Variants in ADARB2 observed in about 807,000 individuals in gnomAD.
ADARB2 encodes the protein adenosine deaminase RNA specific B2 (inactive).
ADARB2 carries 25 observed loss-of-function variants against 62.2 expected under a neutral mutation model. That is an observed-to-expected ratio of 0.40 (90% CI 0.29 to 0.56). The LOEUF (loss-of-function observed/expected upper bound fraction) is 0.56. Ranked by LOEUF, ADARB2 falls within the 20% of genes least tolerant of loss-of-function variation. The pLI, the probability that ADARB2 is intolerant of heterozygous loss-of-function variation, is 0.43. For missense variants in ADARB2, 1,071 were observed against 1,077.4 expected (o/e 0.99, Z 0.08); for synonymous variants, 572 against 500.8 (o/e 1.14, Z -1.90).
intron 1 of ADARB2, among the ~76,000 whole-genome samples, chr10:1,595,368 G>GA (rs1833319188): frequency 6.6e-6 from 1 of 152,222 alleles, no homozygotes; most frequent in South Asian, 2.1e-4. Context: ...TGAGCACCCG[G>GA]CAGTGGCATC....
At position 1,199,998 on chromosome 10, in the gene ADARB2, G is replaced by A. The variant is rs773372364; in HGVS notation, c.1832C>T (p.Ala611Val). Residue 611 changes from alanine (A) to valine (V), a missense_variant, in exon 8 of 10, where the codon GCC becomes GTC. By Grantham distance (64) the Ala-to-Val change is moderately conservative (BLOSUM62 0). Transcript: ENST00000381312. Reference protein sequence around the residue: ...HRMEGVGQLPASYRHNRPLLS... With the variant: ...HRMEGVGQLPVSYRHNRPLLS... ...GAGAGGCCGGTTGTGCCGGTAGGAG[G>A]CGGGCAGCTGGCCGACACCCTCCAT... 6.5e-5 allele frequency: 103 copies of A among 1,574,920 alleles called. No homozygotes were observed. Among genetic ancestry groups the A allele is most frequent in the Middle Eastern group, 6.3e-4 (3 of 4,744 alleles).
chr10:1,696,203 T>G (rs1447968862), intron 1 of ADARB2, among the ~76,000 whole-genome samples: 1 of 152,074 alleles, frequency 6.6e-6, no homozygotes. Flanking sequence ...TGTGTCACGT[T>G]TATATGCCTG....
At chr10:1,246,681 T>C (rs1238260142) in intron 4 of ADARB2, among the ~76,000 whole-genome samples, 1 of 113,636 alleles carries the variant, frequency 8.8e-6, no homozygotes, top group East Asian at 2.7e-4. Flanking sequence ...GGCTCTGTTC[T>C]GTTCCATTGA....
At chr10:1,373,293 A>C (rs868333132) in intron 2 of ADARB2, among the ~76,000 whole-genome samples, 1 of 133,746 alleles carries the variant, frequency 7.5e-6, no homozygotes, top group African/African-American at 2.5e-5. Flanking sequence ...CTCTGTCTCT[A>C]CCCCTGTTTC....
intron 1 of ADARB2, among the ~76,000 whole-genome samples, chr10:1,538,463 TAGACG>T (rs1221930470): frequency 6.6e-6 from 1 of 152,096 alleles, no homozygotes; most frequent in Non-Finnish European, 1.5e-5. Flanking sequence ...AAGCATCTGG[TAGACG>T]AGAGAGAAGT....
intron 1 of ADARB2, among the ~76,000 whole-genome samples, chr10:1,586,030 T>C (rs903119879): frequency 6.6e-6 from 1 of 152,018 alleles, no homozygotes; most frequent in African/African-American, 2.4e-5. Context: ...CGAGACTCCA[T>C]CTCAAACAAA....
intron 1 of ADARB2, among the ~76,000 whole-genome samples, chr10:1,384,947 C>T (rs117094627): frequency 1.3e-5 from 2 of 152,188 alleles, no homozygotes; most frequent in Non-Finnish European, 2.9e-5. Flanking sequence ...TCTGATCAGG[C>T]GGAGTCATAG....
At chr10:1,602,205 C>G (rs1165740372) in intron 1 of ADARB2, among the ~76,000 whole-genome samples, 3 of 152,192 alleles carry the variant, frequency 2.0e-5, no homozygotes, top group African/African-American at 7.2e-5. Context: ...TGTGGACTTT[C>G]AAACTGGCAC....
chr10:1,187,920 C>A, intron 8 of ADARB2: 1 of 348,052 alleles, frequency 2.9e-6, no homozygotes, highest in Non-Finnish European at 6.3e-6. Flanking sequence ...CTCAGCTCAC[C>A]TGTGATGACG....
intron 1 of ADARB2, among the ~76,000 whole-genome samples, chr10:1,455,342 T>C (rs1027276899): frequency 1.3e-5 from 2 of 152,176 alleles, no homozygotes; most frequent in Non-Finnish European, 2.9e-5. Flanking sequence ...ACAATTATGA[T>C]GAGCAAAATA....
chr10:1,579,045 C>T (rs1188519459), intron 1 of ADARB2, among the ~76,000 whole-genome samples: 9 of 152,152 alleles, frequency 5.9e-5, no homozygotes, highest in African/African-American at 1.9e-4. Context: ...GATCAGGATA[C>T]CACGAGGTGG....
At chr10:1,266,524 G>A (rs946038236) in intron 4 of ADARB2, among the ~76,000 whole-genome samples, 19 of 151,164 alleles carry the variant, frequency 1.3e-4, no homozygotes, top group African/African-American at 4.6e-4. Flanking sequence ...GGGGGGGGCC[G>A]TGCCCACAAA....
At chr10:1,231,613 C>T (rs1198152155) in intron 6 of ADARB2, among the ~76,000 whole-genome samples, 2 of 152,154 alleles carry the variant, frequency 1.3e-5, no homozygotes, top group Admixed American at 1.3e-4. Context: ...GCAGGAAGTT[C>T]CTTTAAAAGT....
chr10:1,573,840 G>C (rs1208610562), intron 1 of ADARB2, among the ~76,000 whole-genome samples: 1 of 152,194 alleles, frequency 6.6e-6, no homozygotes, highest in South Asian at 2.1e-4. Flanking sequence ...CGCCCAGTGA[G>C]CCCGCTGCAG....
rs1564258048 is a variant in ADARB2, at chr10:1,327,056, TGCCCAGCGCCTCCC to T, written c.1077+35958_1077+35971del. ...TCCCCACTGCCCAGCGCCTCCCCAC[TGCCCAGCGCCTCCC>T]CACTGCACAGCGCCTCCTCACTGCA... On this transcript the variant is annotated intron_variant, in intron 3 of 9. Coordinates refer to ENST00000381312, the MANE Select transcript of ADARB2 (RefSeq NM_018702.4). Among the ~76,000 whole-genome samples the T allele has an allele frequency of 1.6e-3, 67 of 43,152 alleles. 10 individuals are homozygous for T. Among genetic ancestry groups the T allele is most frequent in the Non-Finnish European group, 2.0e-3 (44 of 22,186 alleles). The allele number at this position is 43,152 out of a possible 152,430, so 28.3% of individuals were successfully genotyped here.
chr10:1,262,106 C>A (rs1465558783), intron 4 of ADARB2, among the ~76,000 whole-genome samples: 1 of 125,038 alleles, frequency 8.0e-6, no homozygotes, highest in Non-Finnish European at 1.5e-5. Flanking sequence ...ATCCCATGGA[C>A]ACAGGAAGGG....
At chr10:1,543,818 A>G (rs947534789) in intron 1 of ADARB2, among the ~76,000 whole-genome samples, 2 of 152,158 alleles carry the variant, frequency 1.3e-5, no homozygotes, top group African/African-American at 4.8e-5. Context: ...GCAACAGCAA[A>G]GACTCATTAA....
chr10:1,727,539 A>G (rs748428087), intron 1 of ADARB2, among the ~76,000 whole-genome samples: 8 of 152,210 alleles, frequency 5.3e-5, no homozygotes, highest in Non-Finnish European at 1.0e-4. Context: ...TTGAGTAGCT[A>G]TTATGTTTTG....
intron 1 of ADARB2, among the ~76,000 whole-genome samples, chr10:1,683,660 A>G (rs1834567188): frequency 6.6e-6 from 1 of 152,192 alleles, no homozygotes; most frequent in Non-Finnish European, 1.5e-5. Context: ...AGAGCGGGTC[A>G]TGGCAAATGT....
Sources: gnomAD v4.1 joint callset for allele counts (sites outside exome capture counted in the v4.1 genomes callset) on GRCh38, gnomAD v4.1.1 for gene constraint, MANE v1.5 for transcripts, NCBI Gene and HGNC (gene_info 2026-07-23, HGNC 2026-07-21) for gene names.